TMX4: variants seen among roughly 807,000 people sequenced by gnomAD.
TMX4 encodes the protein thioredoxin related transmembrane protein 4.
A neutral mutation model predicts 33.3 loss-of-function variants in TMX4; 23 were observed. That is an observed-to-expected ratio of 0.69 (90% CI 0.50 to 0.98). The LOEUF (loss-of-function observed/expected upper bound fraction) is 0.98. Ranked by LOEUF, TMX4 falls within the 50% of genes least tolerant of loss-of-function variation. The probability of loss-of-function intolerance (pLI) is 0.00; values close to 1 mark genes in which losing one functional copy is unlikely to be tolerated. For missense variants in TMX4, 399 were observed against 448.9 expected (o/e 0.89, Z 1.01); for synonymous variants, 164 against 161.5 (o/e 1.02, Z -0.12).
At chr20:8,007,472 G>A (rs540199551) in intron 2 of TMX4, among the ~76,000 whole-genome samples, 14 of 152,236 alleles carry the variant, frequency 9.2e-5, no homozygotes, top group African/African-American at 3.1e-4. Context: ...AGCTGCCAAA[G>A]GAATTATTTT....
intron 2 of TMX4, among the ~76,000 whole-genome samples, chr20:8,003,065 T>C (rs1379715946): frequency 5.9e-5 from 9 of 152,286 alleles, no homozygotes; most frequent in African/African-American, 2.2e-4. Flanking sequence ...GATTTCACCC[T>C]GGAGGGAACA....
At position 8,019,572 on chromosome 20, in the gene TMX4, C is replaced by G. The variant is rs553111342; in HGVS notation, c.42G>C (p.Leu14=). 4.2e-4 allele frequency: 593 copies of G among 1,405,970 alleles called. 10 individuals carry two copies. The South Asian group carries it at 7.4e-3, about 17-fold the overall frequency. The allele number at this position is 1,405,970 out of a possible 1,614,324, so 87.1% of individuals were successfully genotyped here. The change falls in exon 1 of 8, where the codon CTG becomes CTC. Residue 14 remains leucine, a synonymous_variant. Coordinates refer to ENST00000246024, the MANE Select transcript of TMX4 (RefSeq NM_021156.4). The part of the protein sequence containing the change: ...GRCGPQLTAL[L]AAWIAAVAAT... ...CCGCCACAGCCGCGATCCAGGCGGCCAGGAGCGCCGTTAGCTGCGGGCCGC... is the reference window on the plus strand; with the variant it reads ...CCGCCACAGCCGCGATCCAGGCGGCGAGGAGCGCCGTTAGCTGCGGGCCGC...
intron 2 of TMX4, among the ~76,000 whole-genome samples, chr20:8,003,323 G>C (rs151242222): frequency 1.3e-5 from 2 of 152,084 alleles, no homozygotes; most frequent in Admixed American, 6.5e-5. Flanking sequence ...AAATTAAATA[G>C]TATCTCATCA....
chr20:7,990,920 C>A (rs745686245), intron 5 of TMX4, among the ~76,000 whole-genome samples: 1 of 152,160 alleles, frequency 6.6e-6, no homozygotes, highest in African/African-American at 2.4e-5. Flanking sequence ...ATGAAAGGTA[C>A]CTTACAGATG....
chr20:7,983,765 T>C (rs1293147467), intron 7 of TMX4, 29 bp downstream of exon 7: 4 of 1,603,722 alleles, frequency 2.5e-6, no homozygotes, highest in Non-Finnish European at 3.4e-6. Flanking sequence ...CCAAAAACAC[T>C]CTAGATCACA....
At chr20:8,014,700 G>A (rs1169818724) in intron 1 of TMX4, among the ~76,000 whole-genome samples, 1 of 152,208 alleles carries the variant, frequency 6.6e-6, no homozygotes, top group Non-Finnish European at 1.5e-5. Context: ...CAGGGCACCT[G>A]TTTAAGTGGT....
At chr20:8,010,159 G>T in intron 2 of TMX4, 41 bp downstream of exon 2, 2 of 1,530,978 alleles carry the variant, frequency 1.3e-6, no homozygotes, top group Non-Finnish European at 1.8e-6. Context: ...AAAATAAAAA[G>T]TCGGTAAACT....
chr20:7,986,259 T>C (rs2050630605), intron 6 of TMX4, among the ~76,000 whole-genome samples: 1 of 152,174 alleles, frequency 6.6e-6, no homozygotes, highest in Non-Finnish European at 1.5e-5. Flanking sequence ...GTCCCATTCT[T>C]ATCCCTGAAG....
At chr20:8,013,686 G>A (rs1475627089) in intron 1 of TMX4, 1 of 152,086 alleles carries the variant, frequency 6.6e-6, no homozygotes, top group Non-Finnish European at 1.5e-5. Context: ...ATTTCATTAG[G>A]TGTGCTAAAT....
chr20:7,982,811 G>A (rs2050614624), intron 7 of TMX4, among the ~76,000 whole-genome samples, 190 bp from the exon 8 acceptor site: 1 of 152,156 alleles, frequency 6.6e-6, no homozygotes, highest in South Asian at 2.1e-4. Context: ...ACCTGTCTCT[G>A]GAGATTTCAT....
chr20:8,011,142 C>A (rs868384956), intron 1 of TMX4, among the ~76,000 whole-genome samples: 145 of 152,162 alleles, frequency 9.5e-4, no homozygotes, highest in African/African-American at 3.3e-3. Context: ...TGTGGGTAAG[C>A]AGGCTGAGCA....
Position 7,981,018 on chromosome 20 carries a change from C to T in TMX4, c.*1233G>A, listed in dbSNP as rs2050603278. 1 of 151,834 alleles carries T rather than the reference C, an allele frequency of 6.6e-6. No individual in the cohort carries two copies. Among genetic ancestry groups the T allele is most frequent in the Admixed American group, 6.6e-5 (1 of 15,250 alleles). 9.4% of individuals were successfully genotyped at this position (151,834 alleles called of 1,614,324 possible). On this transcript the variant is annotated 3_prime_UTR_variant, in exon 8 of 8. Transcript: ENST00000246024. Reference sequence around the variant, plus strand: ...ATCGAATTTCATGAATTTATTCTAACACATAAATCAGGTAAGAGAGAAGTA... The same window carrying T: ...ATCGAATTTCATGAATTTATTCTAATACATAAATCAGGTAAGAGAGAAGTA...
intron 1 of TMX4, among the ~76,000 whole-genome samples, chr20:8,012,285 A>G (rs1003261578): frequency 6.6e-6 from 1 of 152,136 alleles, no homozygotes; most frequent in Non-Finnish European, 1.5e-5. Flanking sequence ...AACAGTAGCT[A>G]CCTTAGGTTA....
chr20:8,019,598 A>C lies in TMX4; in HGVS notation c.16T>G (p.Cys6Gly). The change falls in exon 1 of 8, where the codon TGC (cysteine) becomes GGC (glycine). Residue 6 changes from cysteine (C) to glycine (G), a missense_variant. Coordinates refer to ENST00000246024, the MANE Select transcript of TMX4 (RefSeq NM_021156.4). ...AGGAGCGCCGTTAGCTGCGGGCCGC[A>C]GCGCCCACCCGCCATGTTGGGCGCC... MAGGR[C>G]GPQLTALLAA... The C allele has an allele frequency of 1.5e-6, 2 of 1,350,934 alleles. No homozygotes were observed. The highest frequency in any genetic ancestry group is 1.9e-6 in the Non-Finnish European group (2 of 1,054,080). 83.7% of individuals were successfully genotyped at this position (1,350,934 alleles called of 1,614,324 possible). A position where few individuals can be genotyped will look rare whatever the true frequency, so the allele number is the denominator to read the frequency against.
At chr20:8,006,021 G>A (rs898554208) in intron 2 of TMX4, among the ~76,000 whole-genome samples, 12 of 152,152 alleles carry the variant, frequency 7.9e-5, no homozygotes, top group African/African-American at 2.9e-4. Context: ...GTGTCTAATT[G>A]AGCTGACGAA....
intron 5 of TMX4, among the ~76,000 whole-genome samples, chr20:7,995,177 A>G (rs929979679): frequency 1.3e-5 from 2 of 152,192 alleles, no homozygotes; most frequent in Admixed American, 6.5e-5. Context: ...AGTCTTCACA[A>G]ACTCTTTGAA....
At chr20:7,991,058 C>T (rs553239201) in intron 5 of TMX4, among the ~76,000 whole-genome samples, 29 of 152,170 alleles carry the variant, frequency 1.9e-4, no homozygotes, top group Non-Finnish European at 2.9e-4. Flanking sequence ...ACACTTTGTT[C>T]TTCTCTAGTC....
intron 1 of TMX4, among the ~76,000 whole-genome samples, chr20:8,012,797 T>C (rs1417132606): frequency 1.3e-5 from 2 of 152,172 alleles, no homozygotes; most frequent in Non-Finnish European, 2.9e-5. Context: ...TAATGCATCC[T>C]CGGATATGCC....
At chr20:7,987,631 A>G (rs567870822) in intron 5 of TMX4, among the ~76,000 whole-genome samples, 42 of 152,240 alleles carry the variant, frequency 2.8e-4, no homozygotes, top group Middle Eastern at 3.4e-3. Flanking sequence ...TTCTGGTAGA[A>G]TCGTTTTGAT....
Sources: allele counts gnomAD v4.1 joint callset (sites outside exome capture counted in the v4.1 genomes callset), GRCh38; gene constraint gnomAD v4.1.1; transcripts MANE v1.5; gene names NCBI Gene and HGNC (gene_info 2026-07-23, HGNC 2026-07-21).